Variants in EPG5 observed in about 807,000 individuals in gnomAD.
EPG5 encodes ectopic P-granules 5 autophagy tethering factor, also known as ectopic P granules protein 5 homolog.
EPG5 carries 159 observed loss-of-function variants against 302.7 expected under a neutral mutation model. That is an observed-to-expected ratio of 0.53 (90% confidence interval 0.46 to 0.60). EPG5 has a LOEUF of 0.60. Ranked by LOEUF, EPG5 falls within the 20% of genes least tolerant of loss-of-function variation. The pLI, the probability that EPG5 is intolerant of heterozygous loss-of-function variation, is 0.00. For missense variants in EPG5, 2,896 were observed against 3,092.4 expected (o/e 0.94, Z 1.51); for synonymous variants, 1,158 against 1,136.8 (o/e 1.02, Z -0.37).
At chr18:45,931,919 C>T (rs1242996399) in intron 11 of EPG5, among the ~76,000 whole-genome samples, 1 of 151,302 alleles carries the variant, frequency 6.6e-6, no homozygotes, top group African/African-American at 2.4e-5. Context: ...AAGAAGGCAA[C>T]AAGCCAATAA....
chr18:45,900,786 A>C (rs1160132427), intron 26 of EPG5, among the ~76,000 whole-genome samples: 2 of 152,222 alleles, frequency 1.3e-5, no homozygotes, highest in Non-Finnish European at 2.9e-5. Flanking sequence ...GAAATGTGAA[A>C]TTGATAGTTG....
the EPG5 span, among the ~76,000 whole-genome samples, chr18:45,839,327 T>C: frequency 6.6e-6 from 1 of 152,180 alleles, no homozygotes; most frequent in African/African-American, 2.4e-5. Context: ...ACCTGCCTTT[T>C]GATAGCAGCA....
At chr18:45,814,309 G>C in the EPG5 span, among the ~76,000 whole-genome samples, 4 of 152,156 alleles carry the variant, frequency 2.6e-5, no homozygotes, top group East Asian at 7.7e-4. Flanking sequence ...CAACTAGCTT[G>C]TACTCTTCCA....
At chr18:45,837,865 G>T in the EPG5 span, 1 of 1,533,280 alleles carries the variant, frequency 6.5e-7, no homozygotes, top group South Asian at 1.2e-5. Context: ...ACCGCTACGA[G>T]AGCCGCCACG....
chr18:45,809,183 T>G, the EPG5 span, among the ~76,000 whole-genome samples: 1 of 152,170 alleles, frequency 6.6e-6, no homozygotes, highest in South Asian at 2.1e-4. Flanking sequence ...ATCACAATCC[T>G]AAATATATAT....
At chr18:45,839,946 C>T in the EPG5 span, among the ~76,000 whole-genome samples, 2 of 152,078 alleles carry the variant, frequency 1.3e-5, no homozygotes, top group Non-Finnish European at 2.9e-5. Context: ...CTTTCTTGCC[C>T]GTTTCTTGGA....
In EPG5 at chr18:45,928,775, G is replaced by A. The variant is rs1335043024; in HGVS notation, c.2553+94C>T. The stretch of plus-strand genomic sequence containing the variant: ...CTTTTATCCTGTTTATACCCCTAGT[G>A]ACAAGATCATTCCCAAGAACCTTCC... On this transcript the variant is annotated intron_variant, in intron 13 of 43. Transcript: ENST00000282041. 1.3e-5 allele frequency: 16 copies of A among 1,246,778 alleles called. No homozygotes were observed. The Admixed American group carries it at 2.8e-4, about 22-fold the overall frequency. The allele number at this position is 1,246,778 out of a possible 1,614,324, so 77.2% of individuals were successfully genotyped here.
chr18:45,866,926 G>C lies in EPG5; in HGVS notation c.6493C>G (p.Leu2165Val). ...GGGTAATGGCTGCTGAAATAACTTA[G>C]CACACTCTGGTACGACACAATATCC... ...LVDIVSYQSV[L>V]SYFSSHYPPS... The change falls in exon 38 of 44, where the codon CTA (leucine) becomes GTA (valine). Residue 2165 changes from leucine to valine, a missense_variant. Transcript: ENST00000282041. 6.2e-7 allele frequency: 1 copy of C among 1,614,100 alleles called. No individual in the cohort carries two copies.
chr18:45,855,225 A>C (rs1176141848), intron 43 of EPG5: 2 of 180,416 alleles, frequency 1.1e-5, no homozygotes, highest in Non-Finnish European at 1.2e-5. Context: ...CTGTAGCCAC[A>C]TCTTCTGTGC....
chr18:45,840,264 C>T, the EPG5 span: 3 of 1,607,296 alleles, frequency 1.9e-6, no homozygotes, highest in Non-Finnish European at 2.5e-6. Flanking sequence ...CCCGCCTCCA[C>T]CCTACCCTAC....
chr18:45,913,386 C>T (rs2049955864), intron 21 of EPG5, among the ~76,000 whole-genome samples: 1 of 152,156 alleles, frequency 6.6e-6, no homozygotes, highest in Admixed American at 6.5e-5. Context: ...CTCAGAGACT[C>T]CAAATCCCAG....
intron 35 of EPG5, among the ~76,000 whole-genome samples, chr18:45,871,676 G>T (rs2048874050): frequency 6.6e-6 from 1 of 152,138 alleles, no homozygotes; most frequent in Non-Finnish European, 1.5e-5. Context: ...AGAAAACGAG[G>T]CACAGAAAGA....
downstream of EPG5, among the ~76,000 whole-genome samples, chr18:45,844,532 T>C (rs1308744633): frequency 6.6e-6 from 1 of 152,206 alleles, no homozygotes; most frequent in Non-Finnish European, 1.5e-5. Context: ...TAAATACATA[T>C]ACCCATACTA....
chr18:45,844,925 T>C (rs1555657543), downstream of EPG5, among the ~76,000 whole-genome samples: 1 of 152,238 alleles, frequency 6.6e-6, no homozygotes, highest in Non-Finnish European at 1.5e-5. Context: ...AGGAATTATT[T>C]CTTAAGTATC....
At chr18:45,948,347 C>T (rs549630748) in intron 6 of EPG5, among the ~76,000 whole-genome samples, 156 bp downstream of exon 6, 2 of 152,278 alleles carry the variant, frequency 1.3e-5, no homozygotes, top group African/African-American at 4.8e-5. Flanking sequence ...CACTTTGAAA[C>T]AAGTATCAAA....
the EPG5 span, among the ~76,000 whole-genome samples, chr18:45,814,412 T>C: frequency 2.0e-5 from 3 of 152,214 alleles, no homozygotes; most frequent in African/African-American, 7.2e-5. Context: ...ATGGGATCAA[T>C]TTGATCCTGG....
rs779338461 is a variant in EPG5, at chr18:45,855,665, T to C, written c.7465A>G (p.Met2489Val). 1.2e-5 allele frequency: 19 copies of C among 1,614,200 alleles called. No individual in the cohort carries two copies. In the South Asian group the frequency reaches 2.0e-4, roughly 17 times the overall value. Reference protein sequence around the residue: ...SNRFRVVARSMAAFLSVQVPM... With the variant: ...SNRFRVVARSVAAFLSVQVPM... Reference sequence around the variant, plus strand: ...ACCTGAACTGAAAGGAAGGCAGCCATGCTTCGGGCAACCACTCGGAACCTT... The same window carrying C: ...ACCTGAACTGAAAGGAAGGCAGCCACGCTTCGGGCAACCACTCGGAACCTT... Residue 2489 changes from methionine to valine, a missense_variant, in exon 43 of 44, where the codon ATG (methionine) becomes GTG (valine). Met to Val is a conservative substitution (Grantham distance 21). Coordinates refer to ENST00000282041, the MANE Select transcript of EPG5 (RefSeq NM_020964.3).
At chr18:45,944,299 G>C (rs567571787) in intron 7 of EPG5, among the ~76,000 whole-genome samples, 180 bp from the exon 8 acceptor site, 194 of 152,302 alleles carry the variant, frequency 1.3e-3, no homozygotes, top group Admixed American at 1.9e-3. Flanking sequence ...CAGTTACACA[G>C]TAAATCCCCT....
At chr18:45,862,220 T>C (rs1398820346) in intron 39 of EPG5, among the ~76,000 whole-genome samples, 1 of 152,204 alleles carries the variant, frequency 6.6e-6, no homozygotes, top group Non-Finnish European at 1.5e-5. Flanking sequence ...CATTTAGATT[T>C]ACCCACACAT....
Sources: allele counts gnomAD v4.1 joint callset (sites outside exome capture counted in the v4.1 genomes callset), GRCh38; gene constraint gnomAD v4.1.1; transcripts MANE v1.5; gene names NCBI Gene and HGNC (gene_info 2026-07-23, HGNC 2026-07-21).